The following WASHC2C variants were observed in gnomAD, a reference collection of about 807,000 sequenced individuals.
The protein encoded by WASHC2C is WASH complex subunit 2C, also known as Vaccinia Penetration Factor.
In WASHC2C, 73 loss-of-function variants were observed where a neutral mutation model predicts 142.2. The observed-to-expected ratio is 0.51, with a 90% CI of 0.43 to 0.62. The LOEUF is 0.62. Among genes scored for constraint, WASHC2C ranks in the 20% least tolerant of loss-of-function variants. The probability of loss-of-function intolerance (pLI) is 0.00; values close to 1 mark genes in which losing one functional copy is unlikely to be tolerated. For missense variants in WASHC2C, 969 were observed against 1,531.7 expected, an observed-to-expected ratio of 0.63 and a Z score of 6.13; for synonymous variants, 337 against 565.5, an observed-to-expected ratio of 0.60 and a Z score of 5.73.
intron 5 of WASHC2C, among the ~76,000 whole-genome samples, chr10:45,742,877 C>CTT (rs1227719013): frequency 4.2e-5 from 4 of 96,058 alleles, no homozygotes; most frequent in East Asian, 3.5e-4. Context: ...CATCTTTTTT[C>CTT]TTTTTTTTTT....
chr10:45,760,003 C>T (rs1426308030), intron 17 of WASHC2C, among the ~76,000 whole-genome samples: 4 of 149,032 alleles, frequency 2.7e-5, no homozygotes, highest in African/African-American at 7.4e-5. Context: ...GGAGCTTGCA[C>T]CAGAGTGGAG....
intron 3 of WASHC2C, among the ~76,000 whole-genome samples, chr10:45,731,945 CCA>C (rs1456861079): frequency 1.3e-5 from 2 of 151,970 alleles, no homozygotes; most frequent in Non-Finnish European, 2.9e-5. Flanking sequence ...CAGGCACCCG[CCA>C]CCACACCTGG....
At position 45,769,478 on chromosome 10, in the gene WASHC2C, C is replaced by T; in HGVS notation, c.1899C>T (p.Thr633=). The T allele has an allele frequency of 6.2e-7, 1 of 1,610,674 alleles. No individual in the cohort carries two copies. Among genetic ancestry groups the T allele is most frequent in the Non-Finnish European group, 8.5e-7 (1 of 1,179,426 alleles). The change falls in exon 20 of 31, where the codon ACC becomes ACT. Residue 633 remains threonine, a synonymous_variant. Transcript: ENST00000623400. ...AGTGGAATATTCCTGCTTCACAGAC[C>T]CACTTAGCATCTGACAGCAGGTCTA... is the stretch of plus-strand genomic sequence containing the variant. ...EDQWNIPASQ[T]HLASDSRSKG...
At chr10:45,735,699 C>T (rs2051140552) in intron 3 of WASHC2C, among the ~76,000 whole-genome samples, 2 of 152,198 alleles carry the variant, frequency 1.3e-5, no homozygotes, top group Admixed American at 1.3e-4. Flanking sequence ...TGATAATTTT[C>T]ATGGGAGCTA....
At chr10:45,787,371 C>T in intron 28 of WASHC2C, 124 bp downstream of exon 28, 1 of 1,508,746 alleles carries the variant, frequency 6.6e-7, no homozygotes, top group Non-Finnish European at 9.0e-7. Flanking sequence ...GGTGCCTCAT[C>T]CTTCCTTCAG....
intron 7 of WASHC2C, among the ~76,000 whole-genome samples, chr10:45,746,164 CTAT>C (rs2052805098): frequency 7.4e-6 from 1 of 135,694 alleles, no homozygotes; most frequent in South Asian, 2.6e-4. Flanking sequence ...TTAATCCAGT[CTAT>C]TATTGTTGGA....
At position 45,762,700 on chromosome 10, in the gene WASHC2C, T is replaced by A. The variant is rs1165442316; in HGVS notation, c.1636-688T>A. On this transcript the variant is annotated intron_variant, in intron 17 of 30. Transcript: ENST00000623400. ...GCGGGCGGATCACAAGGTCAGGAGA[T>A]CGAGACCATCCTGGCTAACATGGTG... Among the ~76,000 whole-genome samples, 45 of 152,204 alleles carry A rather than the reference T, an allele frequency of 3.0e-4. No homozygotes were observed. The Middle Eastern group carries it at 0.01, about 35-fold the overall frequency.
chr10:45,742,463 C>T (rs1165736534), intron 5 of WASHC2C, among the ~76,000 whole-genome samples: 11 of 151,726 alleles, frequency 7.2e-5, no homozygotes, highest in African/African-American at 1.7e-4. Context: ...TATAGGTGTG[C>T]GCCACCACAC....
At chr10:45,759,751 A>G (rs1161877835) in intron 17 of WASHC2C, among the ~76,000 whole-genome samples, 4 of 151,784 alleles carry the variant, frequency 2.6e-5, no homozygotes, top group Non-Finnish European at 5.9e-5. Flanking sequence ...CCCGGGAGGC[A>G]GAAGTTGCAA....
At chr10:45,746,491 T>C in intron 7 of WASHC2C, 109 bp from the exon 8 acceptor site, 1 of 1,307,040 alleles carries the variant, frequency 7.7e-7, no homozygotes, top group South Asian at 1.2e-5. Context: ...TCAGAGCTTT[T>C]TCTCCACTTG....
rs1248759314 is a variant in WASHC2C at position 45,791,730 on chromosome 10, A to C, written c.3887-531A>C. ...GGTTGGATAAAACCCTAGCAGTAACATTACTGGGTAATTACCATAATTAGA... is the reference window on the plus strand; with the variant it reads ...GGTTGGATAAAACCCTAGCAGTAACCTTACTGGGTAATTACCATAATTAGA... On this transcript the variant is annotated intron_variant, in intron 30 of 30. Coordinates refer to ENST00000623400, the MANE Select transcript of WASHC2C (RefSeq NM_001330074.2). 4.1e-5 allele frequency among the ~76,000 whole-genome samples: 6 copies of C among 146,206 alleles called. 1 individual carries two copies. Among genetic ancestry groups the C allele is most frequent in the Admixed American group, 1.4e-4 (2 of 14,114 alleles).
intron 4 of WASHC2C, among the ~76,000 whole-genome samples, chr10:45,738,261 G>A (rs77535731): frequency 0.22 from 34,046 of 151,542 alleles, 4,290 homozygotes; most frequent in East Asian, 0.53. Flanking sequence ...TATAAGAATA[G>A]AGTAGAAGTC....
At chr10:45,749,048 T>C (rs535953930) in intron 8 of WASHC2C, among the ~76,000 whole-genome samples, 140 of 152,374 alleles carry the variant, frequency 9.2e-4, no homozygotes, top group African/African-American at 3.2e-3. Context: ...CTCTAGTCAT[T>C]ACAGCTTTTA....
At chr10:45,782,999 C>CT (rs1366640275) in intron 23 of WASHC2C, among the ~76,000 whole-genome samples, 2 of 152,100 alleles carry the variant, frequency 1.3e-5, no homozygotes, top group African/African-American at 4.8e-5. Flanking sequence ...TGAGAATATT[C>CT]TAAACTTAGA....
chr10:45,748,589 CACAA>C (rs1180507309), intron 8 of WASHC2C, among the ~76,000 whole-genome samples: 1 of 152,098 alleles, frequency 6.6e-6, no homozygotes, highest in Non-Finnish European at 1.5e-5. Flanking sequence ...CACGCCCGGC[CACAA>C]ACAGTTTTTC....
intron 14 of WASHC2C, 107 bp downstream of exon 14, chr10:45,754,652 G>A (rs2054017438): frequency 7.5e-6 from 8 of 1,073,392 alleles, no homozygotes; most frequent in Non-Finnish European, 1.1e-5. Flanking sequence ...GTACCTGGGA[G>A]CTTCAAAGGG....
intron 23 of WASHC2C, among the ~76,000 whole-genome samples, chr10:45,781,334 T>C (rs1382558544): frequency 6.6e-6 from 1 of 152,278 alleles, no homozygotes; most frequent in Non-Finnish European, 1.5e-5. Flanking sequence ...AAATTCCAGC[T>C]TGCTTTTTGC....
intron 21 of WASHC2C, among the ~76,000 whole-genome samples, chr10:45,773,892 CA>C (rs71023148): frequency 0.16 from 5,108 of 31,252 alleles, 68 homozygotes; most frequent in Admixed American, 0.2. Flanking sequence ...TACTGCAGGC[CA>C]AAAAAAAAAA....
At chr10:45,735,520 T>A (rs1386782930) in intron 3 of WASHC2C, among the ~76,000 whole-genome samples, 3 of 152,274 alleles carry the variant, frequency 2.0e-5, no homozygotes, top group Non-Finnish European at 4.4e-5. Context: ...CCTCCCAAAG[T>A]GCTGGGATTA....
Sources: gnomAD v4.1 joint callset for allele counts (sites outside exome capture counted in the v4.1 genomes callset) on GRCh38, gnomAD v4.1.1 for gene constraint, MANE v1.5 for transcripts, NCBI Gene and HGNC (gene_info 2026-07-23, HGNC 2026-07-21) for gene names.